Variants in KNL1 observed in about 807,000 individuals in gnomAD.
KNL1 encodes kinetochore scaffold 1, also known as outer kinetochore KNL1 complex subunit KNL1.
A neutral mutation model predicts 201.3 loss-of-function variants in KNL1; 66 were observed. The ratio of observed to expected loss-of-function variants is 0.33; its 90% CI spans 0.27 to 0.40. The LOEUF is 0.40. Ranked by LOEUF, KNL1 falls within the 10% of genes least tolerant of loss-of-function variation. KNL1 has a pLI of 1.00. For missense variants in KNL1, 2,815 were observed against 2,690.5 expected (o/e 1.05, Z -1.02); for synonymous variants, 895 against 899.2 (o/e 1.00, Z 0.08).
At chr15:40,660,618 T>C (rs562391553) in intron 25 of KNL1, among the ~76,000 whole-genome samples, 2 of 146,068 alleles carry the variant, frequency 1.4e-5, no homozygotes, top group African/African-American at 5.1e-5. Flanking sequence ...TGAGCCGAGA[T>C]TGCACCACTG....
chr15:40,659,637 C>T (rs527519275), intron 25 of KNL1, among the ~76,000 whole-genome samples, 176 bp downstream of exon 25: 11 of 151,090 alleles, frequency 7.3e-5, no homozygotes, highest in African/African-American at 2.7e-4. Context: ...GGACTACAGG[C>T]GCCTGCCACC....
chr15:40,658,545 AAGAGAG>A (rs1380696025), intron 24 of KNL1, among the ~76,000 whole-genome samples: 1 of 59,122 alleles, frequency 1.7e-5, no homozygotes, highest in South Asian at 6.3e-4. Context: ...AAAAAAAAAA[AAGAGAG>A]AATCTGTCTC....
Position 40,607,851 on chromosome 15 carries a change from G to T in KNL1, c.136-996G>T, listed in dbSNP as rs575888400. On this transcript the variant is annotated intron_variant, in intron 4 of 25. Coordinates refer to ENST00000399668, the MANE Select transcript of KNL1 (RefSeq NM_144508.5). ...GAACACTTGTGCTTTCTTGGTGGGG[G>T]TATAAAATGGTACAGCTGCTATGGA... Among the ~76,000 whole-genome samples, 8 of 151,992 alleles carry T rather than the reference G, an allele frequency of 5.3e-5. 1 individual carries two copies. In the East Asian group the frequency reaches 9.7e-4, roughly 18 times the overall value.
At chr15:40,651,421 A>C in intron 19 of KNL1, 50 bp from the exon 20 acceptor site, 1 of 1,249,152 alleles carries the variant, frequency 8.0e-7, no homozygotes. Flanking sequence ...TGATAGAGTG[A>C]ATTCTCTAAC....
Position 40,647,013 on chromosome 15 carries a change from G to T in KNL1, c.6033G>T (p.Lys2011Asn), listed in dbSNP as rs745382822. The change falls in exon 17 of 26, where the codon AAG (lysine) becomes AAT (asparagine). Residue 2011 changes from lysine to asparagine, a missense_variant. Transcript: ENST00000399668. ...AQNEREKLQIKIDEMDKILKK... is the reference protein window; with the variant it reads ...AQNEREKLQINIDEMDKILKK... ...ATGAGAGGGAGAAACTTCAAATAAA[G>T]ATAGATGAGATGGATAAAATACTTA... 3.3e-6 allele frequency: 5 copies of T among 1,503,504 alleles called. No homozygotes were observed. In the South Asian group the frequency reaches 5.6e-5, roughly 17 times the overall value. 93.1% of individuals were successfully genotyped at this position (1,503,504 alleles called of 1,614,324 possible).
At chr15:40,628,807 A>G in intron 12 of KNL1, 129 bp downstream of exon 12, 1 of 536,426 alleles carries the variant, frequency 1.9e-6, no homozygotes, top group Non-Finnish European at 3.3e-6. Context: ...AATATACAGA[A>G]GACTACTTTT....
At chr15:40,629,528 G>T (rs1892852691) in intron 13 of KNL1, among the ~76,000 whole-genome samples, 157 bp downstream of exon 13, 1 of 97,664 alleles carries the variant, frequency 1.0e-5, no homozygotes, top group African/African-American at 4.1e-5. Context: ...TTTTGAGATG[G>T]AGTCTCGCTC....
In KNL1 at chr15:40,637,063, G is replaced by A. The variant is rs1177012342; in HGVS notation, c.5683-3849G>A. 1.3e-5 allele frequency among the ~76,000 whole-genome samples: 2 copies of A among 149,280 alleles called. 1 individual carries two copies. Among genetic ancestry groups the A allele is most frequent in the Non-Finnish European group, 3.0e-5 (2 of 67,490 alleles). ...GTCTTATGCCTTTTTTTTTTCCCCA[G>A]TTTGTTTTCTTGGGATCCAAATGAG... On this transcript the variant is annotated intron_variant, in intron 13 of 25. Transcript: ENST00000399668.
At chr15:40,640,141 G>C (rs1893183843) in intron 13 of KNL1, among the ~76,000 whole-genome samples, 1 of 139,998 alleles carries the variant, frequency 7.1e-6, no homozygotes, top group South Asian at 2.2e-4. Flanking sequence ...CTGTTGCCCA[G>C]GCTGGAGTGC....
rs1443717556 is a variant in KNL1 at position 40,622,958 on chromosome 15, G to C, written c.2694G>C (p.Leu898Phe). The C allele has an allele frequency of 1.2e-6, 2 of 1,613,732 alleles. No homozygotes were observed. The highest frequency in any genetic ancestry group is 2.2e-5 in the East Asian group (1 of 44,864). The change falls in exon 10 of 26, where the codon TTG (leucine) becomes TTC (phenylalanine). Residue 898 changes from leucine to phenylalanine, a missense_variant. By Grantham distance (22) the Leu-to-Phe change is conservative. This residue lies in a region of KNL1 where 2,464 missense variants were observed against 2,291.7 expected (regional missense o/e 1.08). Coordinates refer to ENST00000399668, the MANE Select transcript of KNL1 (RefSeq NM_144508.5). ...LEKRDCHLVP[L>F]AGTSETILYT... ...AACGTGATTGTCATTTGGTGCCATT[G>C]GCAGGAACTTCTGAAACTATTTTAT...
chr15:40,612,018 A>T (rs1892179302), intron 7 of KNL1, among the ~76,000 whole-genome samples: 1 of 151,992 alleles, frequency 6.6e-6, no homozygotes, highest in African/African-American at 2.4e-5. Context: ...CATCTCTACT[A>T]AAAAAATACA....
chr15:40,623,517 G>T lies in KNL1; in HGVS notation c.3253G>T (p.Asp1085Tyr). Residue 1085 changes from aspartate (D) to tyrosine (Y), a missense_variant, in exon 10 of 26, where the codon GAT (aspartate) becomes TAT (tyrosine). By Grantham distance (160) the Asp-to-Tyr change is radical (BLOSUM62 -3). Around this residue, in one of 3 missense-constraint regions of KNL1, gnomAD observed 2,464 missense variants for 2,291.7 expected, o/e 1.08. Coordinates refer to ENST00000399668, the MANE Select transcript of KNL1 (RefSeq NM_144508.5). Reference sequence around the variant, plus strand: ...TGTATTTTCAGAGAATCATAAAAATGATATGGATATTACCCAGAGTTGTAT... The same window carrying T: ...TGTATTTTCAGAGAATCATAAAAATTATATGGATATTACCCAGAGTTGTAT... ...TIVFSENHKN[D>Y]MDITQSCMVE... 6.2e-7 allele frequency: 1 copy of T among 1,613,248 alleles called. No homozygotes were observed. Among genetic ancestry groups the T allele is most frequent in the South Asian group, 1.1e-5 (1 of 91,048 alleles).
At chr15:40,649,941 T>A (rs1595944861) in intron 17 of KNL1, among the ~76,000 whole-genome samples, 1 of 152,302 alleles carries the variant, frequency 6.6e-6, no homozygotes, top group African/African-American at 2.4e-5. Flanking sequence ...CTGATTAAAT[T>A]ATAAGCTCTG....
chr15:40,612,759 C>T (rs1012271822), intron 7 of KNL1, among the ~76,000 whole-genome samples: 6 of 151,960 alleles, frequency 3.9e-5, no homozygotes, highest in Admixed American at 6.6e-5. Flanking sequence ...CCTCGTGATC[C>T]GCCCACTTTG....
intron 21 of KNL1, among the ~76,000 whole-genome samples, chr15:40,652,963 C>T (rs1893615888): frequency 6.6e-6 from 1 of 152,062 alleles, no homozygotes; most frequent in African/African-American, 2.4e-5. Flanking sequence ...CAGTCAGCGT[C>T]AACATGGCCA....
At position 40,622,734 on chromosome 15, in the gene KNL1, A is replaced by G. The variant is rs763866903; in HGVS notation, c.2470A>G (p.Ile824Val). 1.2e-6 allele frequency: 2 copies of G among 1,601,268 alleles called. No homozygotes were observed. Among genetic ancestry groups the G allele is most frequent in the Non-Finnish European group, 1.7e-6 (2 of 1,175,474 alleles). ...AAGTGGAGTGCTTAAATCTAACTGT[A>G]TTATGGATGTGTTAGAGGACGAAAG... Reference protein sequence around the residue: ...EKSGVLKSNCIMDVLEDESVQ... With the variant: ...EKSGVLKSNCVMDVLEDESVQ... The change falls in exon 10 of 26, where the codon ATT (isoleucine) becomes GTT (valine). Residue 824 changes from isoleucine to valine, a missense_variant. Coordinates refer to ENST00000399668, the MANE Select transcript of KNL1 (RefSeq NM_144508.5).
chr15:40,603,700 G>C (rs1363449516), intron 2 of KNL1, among the ~76,000 whole-genome samples: 1 of 152,198 alleles, frequency 6.6e-6, no homozygotes, highest in Non-Finnish European at 1.5e-5. Context: ...CTAGCCAGCG[G>C]TGTTAAACAG....
At chr15:40,640,736 A>G (rs1893203318) in intron 13 of KNL1, among the ~76,000 whole-genome samples, 176 bp from the exon 14 acceptor site, 1 of 152,252 alleles carries the variant, frequency 6.6e-6, no homozygotes, top group African/African-American at 2.4e-5. Context: ...AGGGACTTAG[A>G]AGTCAGAGAC....
chr15:40,600,478 T>C lies in KNL1; in HGVS notation c.-17-2437T>C, dbSNP rs77451585. On this transcript the variant is annotated intron_variant, in intron 1 of 25. Transcript: ENST00000399668. ...CAGGAAAGGAAGTTAAATTTTGATC[T>C]CCCATGGTGGGAAGACAGACAGTTT... 6.2e-3 allele frequency among the ~76,000 whole-genome samples: 939 copies of C among 152,278 alleles called. 11 individuals are homozygous for C. Among genetic ancestry groups the C allele is most frequent in the African/African-American group, 0.022 (894 of 41,570 alleles).
Sources: gnomAD v4.1 joint callset for allele counts (sites outside exome capture counted in the v4.1 genomes callset) on GRCh38, gnomAD v4.1.1 for gene constraint, gnomAD v4.1.1 regional missense constraint, MANE v1.5 for transcripts, NCBI Gene and HGNC (gene_info 2026-07-23, HGNC 2026-07-21) for gene names.